DCC: variants seen among roughly 807,000 people sequenced by gnomAD.
The protein encoded by DCC is DCC netrin 1 receptor, also known as netrin receptor DCC.
A neutral mutation model predicts 172.5 loss-of-function variants in DCC; 58 were observed. That is an observed-to-expected ratio of 0.34 (90% CI 0.27 to 0.42). The LOEUF (loss-of-function observed/expected upper bound fraction) is 0.42, where lower values mean the gene tolerates loss of function less well. Ranked by LOEUF, DCC falls within the 10% of genes least tolerant of loss-of-function variation. DCC has a pLI of 1.00. For synonymous variants in DCC, 709 were observed against 644.5 expected (o/e 1.10, Z -1.52); for missense variants, 1,740 against 1,791.0 (o/e 0.97, Z 0.51).
chr18:53,068,771 CTGTGTG>C (rs74683814), intron 7 of DCC, among the ~76,000 whole-genome samples: 4 of 143,622 alleles, frequency 2.8e-5, no homozygotes, highest in South Asian at 4.6e-4. Flanking sequence ...ACCTTTTAGA[CTGTGTG>C]TGTGTGTGTG....
At chr18:52,857,157 T>C (rs548923394) in intron 2 of DCC, among the ~76,000 whole-genome samples, 1 of 152,346 alleles carries the variant, frequency 6.6e-6, no homozygotes, top group African/African-American at 2.4e-5. Context: ...CCTTCTTAAA[T>C]AGATTCAATA....
chr18:52,806,871 T>G (rs747521733), intron 2 of DCC, among the ~76,000 whole-genome samples: 152 of 152,258 alleles, frequency 1.0e-3, no homozygotes, highest in Non-Finnish European at 4.1e-4. Flanking sequence ...GAGGGGGAAC[T>G]TTTGACCTCA....
intron 12 of DCC, among the ~76,000 whole-genome samples, chr18:53,276,661 G>T (rs1358403297): frequency 1.3e-5 from 2 of 152,084 alleles, no homozygotes; most frequent in Non-Finnish European, 2.9e-5. Context: ...TGAAGGGAAG[G>T]GTCTGAGATA....
chr18:53,033,736 A>G (rs1310980626), intron 5 of DCC, among the ~76,000 whole-genome samples: 1 of 151,890 alleles, frequency 6.6e-6, no homozygotes, highest in Non-Finnish European at 1.5e-5. Context: ...CACTTTTTGA[A>G]CTCCCTTTCC....
chr18:52,891,971 A>G (rs1482300382), intron 2 of DCC, among the ~76,000 whole-genome samples: 4 of 152,102 alleles, frequency 2.6e-5, no homozygotes, highest in African/African-American at 9.6e-5. Flanking sequence ...TTCCTTGCTT[A>G]AAATCCCTTA....
chr18:52,954,243 T>A (rs1180303183), intron 5 of DCC, among the ~76,000 whole-genome samples: 3 of 152,158 alleles, frequency 2.0e-5, no homozygotes, highest in African/African-American at 7.2e-5. Context: ...TAGAAAATAT[T>A]AACTGATCAC....
At chr18:53,185,318 T>C (rs557984634) in intron 9 of DCC, among the ~76,000 whole-genome samples, 1 of 152,176 alleles carries the variant, frequency 6.6e-6, no homozygotes. Flanking sequence ...GGTTGTTTAA[T>C]CACCTCTAGA....
intron 7 of DCC, among the ~76,000 whole-genome samples, chr18:53,128,870 C>CACACACACACACACAT (rs1300738812): frequency 2.6e-5 from 2 of 77,458 alleles, no homozygotes; most frequent in Admixed American, 1.4e-4. Context: ...CACACACACA[C>CACACACACACACACAT]ATATATATAT....
chr18:53,211,516 G>T (rs1230380933), intron 11 of DCC, among the ~76,000 whole-genome samples: 1 of 152,194 alleles, frequency 6.6e-6, no homozygotes, highest in Non-Finnish European at 1.5e-5. Context: ...AAGGTCAGGA[G>T]ATCTAAAGCA....
At chr18:53,310,282 A>T (rs1212900861) in intron 13 of DCC, among the ~76,000 whole-genome samples, 1 of 152,140 alleles carries the variant, frequency 6.6e-6, no homozygotes, top group Non-Finnish European at 1.5e-5. Context: ...TTTCCATATA[A>T]ATCTACAGCA....
intron 12 of DCC, among the ~76,000 whole-genome samples, chr18:53,254,747 T>G (rs1294438451): frequency 6.6e-6 from 1 of 152,084 alleles, no homozygotes; most frequent in Middle Eastern, 3.2e-3. Context: ...CTGGATCTTA[T>G]TAAACAAGTG....
At chr18:53,387,053 C>T (rs1437617960) in intron 16 of DCC, among the ~76,000 whole-genome samples, 1 of 152,120 alleles carries the variant, frequency 6.6e-6, no homozygotes, top group East Asian at 1.9e-4. Context: ...AGATATTGTC[C>T]CCTTAACGAA....
chr18:52,503,567 G>A lies in DCC; in HGVS notation c.91+162689G>A, dbSNP rs142282776. Reference sequence around the variant, plus strand: ...GAGTTCAGCATATTTTGTGTTCTCCGTAGTTCTGGTGACAGAATTCTCTCC... The same window carrying A: ...GAGTTCAGCATATTTTGTGTTCTCCATAGTTCTGGTGACAGAATTCTCTCC... On this transcript the variant is annotated intron_variant, in intron 1 of 28. Coordinates refer to ENST00000442544, the MANE Select transcript of DCC (RefSeq NM_005215.4). 8.6e-4 allele frequency among the ~76,000 whole-genome samples: 131 copies of A among 152,226 alleles called. 1 individual carries two copies. Among genetic ancestry groups the A allele is most frequent in the African/African-American group, 2.9e-3 (121 of 41,540 alleles).
chr18:53,191,702 G>A (rs1470751729), intron 9 of DCC, among the ~76,000 whole-genome samples: 1 of 152,046 alleles, frequency 6.6e-6, no homozygotes, highest in African/African-American at 2.4e-5. Context: ...TCAAATAACT[G>A]TTTCTAAAAG....
chr18:53,438,937 C>G (rs192201913), intron 22 of DCC, among the ~76,000 whole-genome samples: 1 of 152,108 alleles, frequency 6.6e-6, no homozygotes, highest in African/African-American at 2.4e-5. Context: ...AGTTTAGATG[C>G]GTTATTGACA....
intron 27 of DCC, among the ~76,000 whole-genome samples, chr18:53,522,775 T>TC (rs2046414197): frequency 6.6e-6 from 1 of 152,120 alleles, no homozygotes; most frequent in African/African-American, 2.4e-5. Flanking sequence ...CAAGATGGAT[T>TC]AAAGACTTAA....
intron 1 of DCC, among the ~76,000 whole-genome samples, chr18:52,462,312 A>G (rs1270700651): frequency 6.6e-6 from 1 of 152,030 alleles, no homozygotes; most frequent in African/African-American, 2.4e-5. Flanking sequence ...CCCTCCAATG[A>G]CTTCCCACCT....
intron 1 of DCC, among the ~76,000 whole-genome samples, chr18:52,422,586 C>A (rs1276661792): frequency 6.6e-6 from 1 of 151,982 alleles, no homozygotes; most frequent in Non-Finnish European, 1.5e-5. Context: ...ACATTCATTC[C>A]AGGATATACA....
At chr18:53,437,836 G>A (rs1320480152) in intron 22 of DCC, among the ~76,000 whole-genome samples, 2 of 152,140 alleles carry the variant, frequency 1.3e-5, no homozygotes, top group Non-Finnish European at 2.9e-5. Context: ...AGCGAGTGCA[G>A]GGCACTTGCA....
Sources: allele counts gnomAD v4.1 joint callset (sites outside exome capture counted in the v4.1 genomes callset), GRCh38; gene constraint gnomAD v4.1.1; transcripts MANE v1.5; gene names NCBI Gene and HGNC (gene_info 2026-07-23, HGNC 2026-07-21).